CAPS2: variants seen among roughly 807,000 people sequenced by gnomAD.
CAPS2 encodes the protein calcyphosine 2, also known as calcyphosin-2.
CAPS2 carries 98 observed loss-of-function variants against 86.5 expected under a neutral mutation model. That is an observed-to-expected ratio of 1.13 (90% CI 0.96 to 1.34). CAPS2 has a LOEUF of 1.34. Among genes scored for constraint, CAPS2 ranks in the 40% most tolerant of loss-of-function variants. The pLI, the probability that CAPS2 is intolerant of heterozygous loss-of-function variation, is 0.00. For synonymous variants in CAPS2, 210 were observed against 225.1 expected, an observed-to-expected ratio of 0.93 and a Z score of 0.60; for missense variants, 729 against 686.8, an observed-to-expected ratio of 1.06 and a Z score of -0.69.
In CAPS2 at chr12:75,298,779, T is replaced by C. The variant is rs372993486; in HGVS notation, c.952A>G (p.Thr318Ala). Reference sequence around the variant, plus strand: ...TTTTGAATAAAAGGAAGCACATTTGTTCTAGAAAGTAAATGAAAAAAAAAT... The same window carrying C: ...TTTTGAATAAAAGGAAGCACATTTGCTCTAGAAAGTAAATGAAAAAAAAAT... The change falls in exon 11 of 17, where the codon ACA becomes GCA. Residue 318 changes from threonine to alanine, a missense_variant and splice_region_variant. Thr to Ala is a moderately conservative substitution (Grantham distance 58, BLOSUM62 0). Transcript: ENST00000393284. The C allele has an allele frequency of 2.5e-5, 41 of 1,612,578 alleles. No individual in the cohort carries two copies. In the African/African-American group the frequency reaches 3.7e-4, roughly 15 times the overall value.
rs1406282948 is a variant in CAPS2, at chr12:75,326,480, C to A, written c.19G>T (p.Gly7Ter). Residue 7 changes from glycine to a stop codon, truncating the protein, a stop_gained, in exon 1 of 17, where the codon GGA becomes TGA. Transcript: ENST00000393284. LOFTEE classifies it high-confidence loss of function. ...TGGCTCCTAGAAGTGGCAGCAACTC[C>A]TTTAACCTCTAAATCCATTTGAGTT... is the stretch of plus-strand genomic sequence containing the variant. The A allele has an allele frequency of 6.5e-7, 1 of 1,544,502 alleles. No individual in the cohort carries two copies. Among genetic ancestry groups the A allele is most frequent in the South Asian group, 1.2e-5 (1 of 83,882 alleles).
chr12:75,305,959 C>A, intron 7 of CAPS2: 1 of 1,237,906 alleles, frequency 8.1e-7, no homozygotes, highest in Non-Finnish European at 1.2e-6. Flanking sequence ...GGAGCATGGA[C>A]AGGGTGGCTC....
intron 13 of CAPS2, 64 bp downstream of exon 13, chr12:75,291,679 GT>G (rs2138315993): frequency 2.8e-6 from 2 of 720,810 alleles, no homozygotes; most frequent in East Asian, 3.4e-5. Context: ...GGAAAATGCT[GT>G]TTTACTGATT....
chr12:75,291,834 G>A lies in CAPS2; in HGVS notation c.1164-14C>T. The A allele has an allele frequency of 7.2e-7, 1 of 1,384,646 alleles. No homozygotes were observed. Among genetic ancestry groups the A allele is most frequent in the Non-Finnish European group, 1.0e-6 (1 of 994,892 alleles). The allele number at this position is 1,384,646 out of a possible 1,614,324, so 85.8% of individuals were successfully genotyped here. On this transcript the variant is annotated splice_polypyrimidine_tract_variant and intron_variant, in intron 12 of 16. Transcript: ENST00000393284. ...ATAGAAGCAGTTCTGCAATTGACAT[G>A]TTCACAGGGATGAAATATATATATA...
At chr12:75,373,335 A>C (rs973116893) in intron 1 of CAPS2, among the ~76,000 whole-genome samples, 2 of 152,202 alleles carry the variant, frequency 1.3e-5, no homozygotes, top group African/African-American at 4.8e-5. Flanking sequence ...TCCTGAGGTC[A>C]ACCTTTGGTG....
intron 1 of CAPS2, among the ~76,000 whole-genome samples, chr12:75,369,310 CTTAT>C (rs56843236): frequency 0.023 from 3,420 of 151,868 alleles, 108 homozygotes; most frequent in African/African-American, 0.078. Flanking sequence ...TTTTACTCAT[CTTAT>C]TTATTTATTT....
At chr12:75,312,885 T>C in exon 7 of CAPS2, 13 of 1,607,682 alleles carry the variant, frequency 8.1e-6, no homozygotes, top group Non-Finnish European at 1.1e-5. Flanking sequence ...TCTGCAACAA[T>C]CTGTTTCTTC....
At chr12:75,318,216 ATC>A (rs1218764014) in intron 5 of CAPS2, 1 of 152,112 alleles carries the variant, frequency 6.6e-6, no homozygotes, top group Non-Finnish European at 1.5e-5. Context: ...TACCTTCAGA[ATC>A]TGTCAACAAT....
chr12:75,388,135 A>G (rs1050159839), intron 1 of CAPS2, among the ~76,000 whole-genome samples: 1 of 152,172 alleles, frequency 6.6e-6, no homozygotes, highest in African/African-American at 2.4e-5. Flanking sequence ...TGCTGTTCTC[A>G]TGGTAATGAT....
At chr12:75,364,532 G>C (rs754839811) in intron 1 of CAPS2, among the ~76,000 whole-genome samples, 1 of 152,196 alleles carries the variant, frequency 6.6e-6, no homozygotes, top group African/African-American at 2.4e-5. Context: ...TTCCAGCCCA[G>C]ATGGGAATGG....
At chr12:75,285,842 T>C (rs1361186825) in intron 14 of CAPS2, among the ~76,000 whole-genome samples, 1 of 152,004 alleles carries the variant, frequency 6.6e-6, no homozygotes, top group African/African-American at 2.4e-5. Flanking sequence ...TAACCACTAA[T>C]TATATTTCTG....
At chr12:75,304,072 G>C (rs1031650247) in intron 8 of CAPS2, among the ~76,000 whole-genome samples, 10 of 152,130 alleles carry the variant, frequency 6.6e-5, no homozygotes, top group Admixed American at 2.0e-4. Flanking sequence ...CTGTGTTTTA[G>C]AATACTAAGC....
intron 1 of CAPS2, among the ~76,000 whole-genome samples, chr12:75,362,779 T>A (rs900827300): frequency 3.3e-5 from 5 of 152,304 alleles, no homozygotes; most frequent in Admixed American, 1.3e-4. Context: ...AAATATTACT[T>A]ATTTCATGTA....
At chr12:75,337,665 G>T (rs1379550838) in intron 1 of CAPS2, among the ~76,000 whole-genome samples, 1 of 151,622 alleles carries the variant, frequency 6.6e-6, no homozygotes, top group Non-Finnish European at 1.5e-5. Flanking sequence ...CCTCAAGATT[G>T]GAATTTTTAT....
At chr12:75,380,061 T>A (rs1048466655) in intron 1 of CAPS2, among the ~76,000 whole-genome samples, 47 of 151,988 alleles carry the variant, frequency 3.1e-4, no homozygotes, top group African/African-American at 1.1e-3. Flanking sequence ...TAAAGTAATA[T>A]ATTACAAAAT....
At chr12:75,359,104 A>C (rs1192225815) in intron 1 of CAPS2, among the ~76,000 whole-genome samples, 1 of 150,484 alleles carries the variant, frequency 6.6e-6, no homozygotes, top group Non-Finnish European at 1.5e-5. Flanking sequence ...TAAGTTTAGC[A>C]ATCTTTTAGG....
chr12:75,322,614 A>G (rs1007414838), intron 4 of CAPS2, among the ~76,000 whole-genome samples: 2 of 152,220 alleles, frequency 1.3e-5, no homozygotes, highest in Non-Finnish European at 2.9e-5. Flanking sequence ...TCAAGGAGAC[A>G]ATCTGGAATG....
chr12:75,341,745 C>CTCT (rs1565956619), intron 1 of CAPS2, among the ~76,000 whole-genome samples: 3 of 141,080 alleles, frequency 2.1e-5, no homozygotes, highest in Non-Finnish European at 4.6e-5. Context: ...CGCGCCCGGC[C>CTCT]TCTTTTTTTT....
At position 75,288,201 on chromosome 12, in the gene CAPS2, AAG is replaced by A. The variant is rs1402151370; in HGVS notation, c.1395+1418_1395+1419del. ...TGTTGTTGTTTTAATCTACAAAACG[AAG>A]AGAGGAAGTTAGATGATCCCTAGTA... On this transcript the variant is annotated intron_variant, in intron 14 of 16. Transcript: ENST00000393284. Among the ~76,000 whole-genome samples, 5 of 152,318 alleles carry A rather than the reference AAG, an allele frequency of 3.3e-5. No individual in the cohort carries two copies. The South Asian group carries it at 1.0e-3, about 32-fold the overall frequency.
Sources: allele counts gnomAD v4.1 joint callset (sites outside exome capture counted in the v4.1 genomes callset), GRCh38; gene constraint gnomAD v4.1.1; transcripts MANE v1.5; gene names NCBI Gene and HGNC (gene_info 2026-07-23, HGNC 2026-07-21).